CYP4F22: variants seen among roughly 807,000 people sequenced by gnomAD.
CYP4F22 encodes the protein cytochrome P450 family 4 subfamily F member 22, also known as ultra-long-chain fatty acid omega-hydroxylase.
Under a neutral mutation model 60.4 loss-of-function variants are expected in CYP4F22, and 37 were observed. That is an observed-to-expected ratio of 0.61 (90% CI 0.47 to 0.81). CYP4F22 has a LOEUF of 0.81. CYP4F22 is among the 30% of genes least tolerant of loss of function. CYP4F22 has a pLI of 0.00. For synonymous variants in CYP4F22, 258 were observed against 280.5 expected (o/e 0.92, Z 0.80); for missense variants, 655 against 715.0 (o/e 0.92, Z 0.96).
intron 12 of CYP4F22, among the ~76,000 whole-genome samples, chr19:15,550,107 T>C (rs1426995328): frequency 6.6e-6 from 1 of 152,018 alleles, no homozygotes; most frequent in Non-Finnish European, 1.5e-5. Context: ...TTTTTTGTAT[T>C]TTTAGTAGAG....
chr19:15,534,605 T>C (rs7247926), intron 4 of CYP4F22, among the ~76,000 whole-genome samples: 67,906 of 151,952 alleles, frequency 0.45, 15,637 homozygotes, highest in East Asian at 0.69. Context: ...GTGTGAATCA[T>C]TGCACCTGGC....
At chr19:15,545,438 AGGTG>A in intron 10 of CYP4F22, among the ~76,000 whole-genome samples, 1 of 152,028 alleles carries the variant, frequency 6.6e-6, no homozygotes, top group South Asian at 2.1e-4. Flanking sequence ...GCTTGAGCTG[AGGTG>A]TTTGAGACCA....
chr19:15,538,635 G>A (rs72620566), intron 7 of CYP4F22, among the ~76,000 whole-genome samples: 7,500 of 152,258 alleles, frequency 0.049, 406 homozygotes, highest in East Asian at 0.28. Context: ...TAAGGAATAA[G>A]GGAGATAATT....
At chr19:15,518,227 C>T (rs757159591) in intron 1 of CYP4F22, among the ~76,000 whole-genome samples, 3 of 151,914 alleles carry the variant, frequency 2.0e-5, no homozygotes, top group Non-Finnish European at 4.4e-5. Flanking sequence ...GTCCCAGCTA[C>T]TGGGGAAGCT....
chr19:15,541,249 GGAAGCTA>G (rs1322944062), intron 8 of CYP4F22, among the ~76,000 whole-genome samples: 1 of 152,178 alleles, frequency 6.6e-6, no homozygotes, highest in Non-Finnish European at 1.5e-5. Flanking sequence ...TCACAGTTCT[GGAAGCTA>G]GAAGTCCAAG....
In CYP4F22 at chr19:15,525,393, C is replaced by T. The variant is rs1488341682; in HGVS notation, c.57C>T (p.Phe19=). 6.2e-7 allele frequency: 1 copy of T among 1,614,058 alleles called. No homozygotes were observed. Among genetic ancestry groups the T allele is most frequent in the South Asian group, 1.1e-5 (1 of 91,086 alleles). ...LHLLGLEKTA[F]RIYAVSTLLL... The stretch of plus-strand genomic sequence containing the variant: ...TCCTGGGGCTGGAGAAGACGGCGTT[C>T]CGCATATACGCGGTGTCCACCCTTC... Residue 19 remains phenylalanine, a synonymous_variant, in exon 3 of 14, where the codon TTC becomes TTT. Coordinates refer to ENST00000269703, the MANE Select transcript of CYP4F22 (RefSeq NM_173483.4).
chr19:15,519,633 A>C (rs1179633770), intron 1 of CYP4F22, among the ~76,000 whole-genome samples: 1 of 152,046 alleles, frequency 6.6e-6, no homozygotes, highest in Non-Finnish European at 1.5e-5. Context: ...TTTGGATGCC[A>C]GGCTGAGGGG....
chr19:15,540,746 C>T, intron 8 of CYP4F22, 29 bp downstream of exon 8: 1 of 1,469,854 alleles, frequency 6.8e-7, no homozygotes. Flanking sequence ...GAATTGCTGG[C>T]CTCCCGAGGG....
intron 1 of CYP4F22, among the ~76,000 whole-genome samples, chr19:15,511,542 T>A (rs192396413): frequency 6.6e-6 from 1 of 152,050 alleles, no homozygotes; most frequent in Non-Finnish European, 1.5e-5. Flanking sequence ...TCTGGCACTT[T>A]GGGGGAATAT....
At position 15,550,681 on chromosome 19, in the gene CYP4F22, A is replaced by C. The variant is rs368320642; in HGVS notation, c.1343A>C (p.Asn448Thr). 1 of 1,613,930 alleles carries C rather than the reference A, an allele frequency of 6.2e-7. No homozygotes were observed. Among genetic ancestry groups the C allele is most frequent in the South Asian group, 1.1e-5 (1 of 91,072 alleles). Residue 448 changes from asparagine to threonine, a missense_variant, in exon 13 of 14, where the codon AAC becomes ACC. Asn to Thr is a moderately conservative substitution (Grantham distance 65, BLOSUM62 0). This residue lies in a region of CYP4F22 where 151 missense variants were observed against 139.4 expected (regional missense o/e 1.08). Transcript: ENST00000269703. ...CAGGCTGTTCCTCCCTAGGTGTACA[A>C]CCCCTACCGCTTTGACCCGGACAAC... ...PTVWPDSKVY[N>T]PYRFDPDNPQ...
At chr19:15,520,073 G>A (rs979789610) in intron 1 of CYP4F22, among the ~76,000 whole-genome samples, 7 of 152,110 alleles carry the variant, frequency 4.6e-5, no homozygotes, top group Non-Finnish European at 1.5e-5. Context: ...AGCCCGGCGT[G>A]GTGGCTCAAG....
chr19:15,523,856 A>C (rs575512376), intron 2 of CYP4F22, 57 bp downstream of exon 2: 7 of 152,214 alleles, frequency 4.6e-5, no homozygotes, highest in Non-Finnish European at 8.8e-5. Flanking sequence ...CATAATAGCC[A>C]AAATGTAGAA....
chr19:15,517,223 T>G (rs901068837), intron 1 of CYP4F22, among the ~76,000 whole-genome samples: 11 of 152,148 alleles, frequency 7.2e-5, no homozygotes, highest in Non-Finnish European at 1.3e-4. Flanking sequence ...ACCCCAGCTG[T>G]GGAAAGTATA....
intron 3 of CYP4F22, 70 bp from the exon 4 acceptor site, chr19:15,529,639 G>A (rs1971319941): frequency 6.3e-7 from 1 of 1,596,506 alleles, no homozygotes. Flanking sequence ...TACAGGAGGT[G>A]GCAGGAGGAA....
intron 1 of CYP4F22, among the ~76,000 whole-genome samples, chr19:15,515,843 C>G (rs1234666715): frequency 3.3e-5 from 5 of 151,968 alleles, no homozygotes; most frequent in Non-Finnish European, 7.4e-5. Flanking sequence ...CCTGCCTCAG[C>G]CTCCTGAGTA....
At position 15,549,201 on chromosome 19, in the gene CYP4F22, A is replaced by G. The variant is rs752192760; in HGVS notation, c.1334A>G (p.Lys445Arg). The G allele has an allele frequency of 6.2e-7, 1 of 1,614,024 alleles. No homozygotes were observed. The highest frequency in any genetic ancestry group is 1.1e-5 in the South Asian group (1 of 91,078). Residue 445 changes from lysine to arginine, a missense_variant and splice_region_variant, in exon 12 of 14, where the codon AAG becomes AGG. Physicochemically the swap from Lys to Arg is conservative, Grantham distance 26 (BLOSUM62 2). Coordinates refer to ENST00000269703, the MANE Select transcript of CYP4F22 (RefSeq NM_173483.4). ...AACCCCACAGTGTGGCCTGACTCCA[A>G]GGTGAGTGCCTGCCCCACTCCTCCC... is the stretch of plus-strand genomic sequence containing the variant. ...HHNPTVWPDSKVYNPYRFDPD... is the reference protein window; with the variant it reads ...HHNPTVWPDSRVYNPYRFDPD...
chr19:15,527,691 G>A (rs1465933092), intron 3 of CYP4F22, among the ~76,000 whole-genome samples: 1 of 152,214 alleles, frequency 6.6e-6, no homozygotes, highest in African/African-American at 2.4e-5. Flanking sequence ...GAGCCTGACG[G>A]GGAAGGAGAC....
intron 1 of CYP4F22, among the ~76,000 whole-genome samples, chr19:15,519,732 C>T (rs1380789207): frequency 6.6e-6 from 1 of 152,080 alleles, no homozygotes; most frequent in Non-Finnish European, 1.5e-5. Flanking sequence ...TGAACTGCAG[C>T]CAGGTGGCTC....
chr19:15,530,751 C>A (rs1242753790), intron 4 of CYP4F22, among the ~76,000 whole-genome samples: 1 of 152,136 alleles, frequency 6.6e-6, no homozygotes, highest in African/African-American at 2.4e-5. Context: ...AACTCATTCA[C>A]TATCATGGGA....
Sources: allele counts gnomAD v4.1 joint callset (sites outside exome capture counted in the v4.1 genomes callset), GRCh38; gene constraint gnomAD v4.1.1; regional missense constraint gnomAD v4.1.1; transcripts MANE v1.5; gene names NCBI Gene and HGNC (gene_info 2026-07-23, HGNC 2026-07-21).